Variants in DKK2 observed in about 807,000 individuals in gnomAD.
DKK2 encodes dickkopf Wnt signaling pathway inhibitor 2.
Under a neutral mutation model 28.1 loss-of-function variants are expected in DKK2, and 11 were observed. The observed-to-expected ratio is 0.39, with a 90% CI of 0.25 to 0.65. The LOEUF (loss-of-function observed/expected upper bound fraction) is 0.65, where lower values mean the gene tolerates loss of function less well. DKK2 is among the 30% of genes least tolerant of loss of function. The pLI, the probability that DKK2 is intolerant of heterozygous loss-of-function variation, is 0.47. For synonymous variants in DKK2, 135 were observed against 126.5 expected, an observed-to-expected ratio of 1.07 and a Z score of -0.45; for missense variants, 326 against 335.5, an observed-to-expected ratio of 0.97 and a Z score of 0.22.
chr4:106,932,004 T>C (rs1214877737), intron 1 of DKK2, among the ~76,000 whole-genome samples: 2 of 152,164 alleles, frequency 1.3e-5, no homozygotes, highest in African/African-American at 4.8e-5. Flanking sequence ...GGTTTTGCCT[T>C]TTTTTGCCAC....
intron 1 of DKK2, among the ~76,000 whole-genome samples, chr4:106,957,810 G>A (rs1000652129): frequency 6.1e-5 from 9 of 146,516 alleles, no homozygotes; most frequent in Admixed American, 1.4e-4. Context: ...GCTAAATGAC[G>A]AGTTAATGGG....
chr4:107,022,119 GA>G (rs1469395139), intron 1 of DKK2, among the ~76,000 whole-genome samples: 2 of 151,936 alleles, frequency 1.3e-5, no homozygotes, highest in African/African-American at 4.8e-5. Flanking sequence ...AAATCTTTAT[GA>G]AAAAGAAAAA....
chr4:107,001,512 C>G (rs1222987029), intron 1 of DKK2, among the ~76,000 whole-genome samples: 1 of 152,054 alleles, frequency 6.6e-6, no homozygotes, highest in Non-Finnish European at 1.5e-5. Flanking sequence ...AAGGAAATAG[C>G]TTTTAGAGGC....
chr4:106,949,984 A>C (rs1724835258), intron 1 of DKK2, among the ~76,000 whole-genome samples: 1 of 152,190 alleles, frequency 6.6e-6, no homozygotes, highest in Non-Finnish European at 1.5e-5. Context: ...CTCTATGTTA[A>C]GAGCTTTACA....
intron 1 of DKK2, among the ~76,000 whole-genome samples, chr4:107,011,156 C>T (rs751096119): frequency 5.3e-5 from 8 of 151,326 alleles, no homozygotes; most frequent in Non-Finnish European, 1.0e-4. Context: ...ATAACTACAA[C>T]AAAACTTGAC....
At chr4:107,026,755 T>A (rs1321933703) in intron 1 of DKK2, among the ~76,000 whole-genome samples, 1 of 152,176 alleles carries the variant, frequency 6.6e-6, no homozygotes, top group Non-Finnish European at 1.5e-5. Context: ...CCAGAAAATA[T>A]GAGGTTAACA....
At chr4:106,999,925 G>T (rs1192501997) in intron 1 of DKK2, among the ~76,000 whole-genome samples, 1 of 152,070 alleles carries the variant, frequency 6.6e-6, no homozygotes, top group Non-Finnish European at 1.5e-5. Context: ...AAAGGAAGGG[G>T]ATTGCTTTGA....
intron 1 of DKK2, among the ~76,000 whole-genome samples, chr4:106,939,067 T>A (rs1398114330): frequency 3.9e-5 from 6 of 152,106 alleles, no homozygotes; most frequent in African/African-American, 1.2e-4. Flanking sequence ...AGGGATGCCC[T>A]CTCTCACCAC....
At chr4:106,997,461 T>C (rs1441970951) in intron 1 of DKK2, among the ~76,000 whole-genome samples, 11 of 152,174 alleles carry the variant, frequency 7.2e-5, no homozygotes, top group Admixed American at 5.9e-4. Context: ...TAATGCAATA[T>C]GCGAATAGAT....
intron 1 of DKK2, among the ~76,000 whole-genome samples, chr4:106,964,141 A>ATTC (rs1722732174): frequency 6.6e-6 from 1 of 152,176 alleles, no homozygotes; most frequent in Admixed American, 6.5e-5. Flanking sequence ...GAATATTATT[A>ATTC]ATGAAATTAA....
intron 1 of DKK2, among the ~76,000 whole-genome samples, chr4:106,955,744 A>G (rs1359576957): frequency 2.0e-5 from 3 of 152,218 alleles, no homozygotes; most frequent in Non-Finnish European, 4.4e-5. Flanking sequence ...TAAAAAAACC[A>G]TATCTTGGTA....
At chr4:107,012,508 A>T (rs78601134) in intron 1 of DKK2, among the ~76,000 whole-genome samples, 2,194 of 151,398 alleles carry the variant, frequency 0.014, 52 homozygotes, top group African/African-American at 0.049. Flanking sequence ...TTCTAAAAGA[A>T]AAGTGTGTCT....
chr4:107,013,217 T>C (rs781282669), intron 1 of DKK2, among the ~76,000 whole-genome samples: 2 of 151,216 alleles, frequency 1.3e-5, no homozygotes, highest in Non-Finnish European at 3.0e-5. Context: ...CAAAGGATCC[T>C]GAATAGACAA....
chr4:107,011,690 AGT>A (rs112855833), intron 1 of DKK2, among the ~76,000 whole-genome samples: 392 of 146,490 alleles, frequency 2.7e-3, no homozygotes, highest in African/African-American at 6.2e-3. Flanking sequence ...TCTTTGTCTG[AGT>A]GTGTGTGTGT....
At chr4:106,963,182 G>C (rs542389172) in intron 1 of DKK2, among the ~76,000 whole-genome samples, 1 of 151,796 alleles carries the variant, frequency 6.6e-6, no homozygotes, top group Non-Finnish European at 1.5e-5. Flanking sequence ...GTGAAAACCC[G>C]TCTCTACTAA....
intron 1 of DKK2, among the ~76,000 whole-genome samples, chr4:107,005,808 T>C (rs1482176216): frequency 6.6e-6 from 1 of 152,202 alleles, no homozygotes; most frequent in Non-Finnish European, 1.5e-5. Context: ...CATACAGTTA[T>C]CAGTAGAAGT....
chr4:106,992,834 C>T (rs777543260), intron 1 of DKK2, among the ~76,000 whole-genome samples: 10 of 152,128 alleles, frequency 6.6e-5, no homozygotes, highest in Non-Finnish European at 1.0e-4. Context: ...TAAAACAGGG[C>T]CTGGCTGAAG....
intron 1 of DKK2, among the ~76,000 whole-genome samples, chr4:107,031,159 T>C (rs1397981593): frequency 1.3e-5 from 2 of 152,012 alleles, no homozygotes; most frequent in Non-Finnish European, 2.9e-5. Context: ...TAATGTAGAT[T>C]ATTTCAAATT....
At chr4:107,013,526 T>C (rs558419486) in intron 1 of DKK2, among the ~76,000 whole-genome samples, 3 of 151,458 alleles carry the variant, frequency 2.0e-5, no homozygotes, top group African/African-American at 7.2e-5. Flanking sequence ...CTCACATACA[T>C]AAAAATCAAC....
Sources: allele counts gnomAD v4.1 joint callset (sites outside exome capture counted in the v4.1 genomes callset), GRCh38; gene constraint gnomAD v4.1.1; transcripts MANE v1.5; gene names NCBI Gene and HGNC (gene_info 2026-07-23, HGNC 2026-07-21).